CCDC12: variants seen among roughly 807,000 people sequenced by gnomAD.
CCDC12 encodes coiled-coil domain-containing protein 12.
A neutral mutation model predicts 25.7 loss-of-function variants in CCDC12; 28 were observed. The ratio of observed to expected loss-of-function variants is 1.09; its 90% CI spans 0.81 to 1.50. The LOEUF (loss-of-function observed/expected upper bound fraction) is 1.50. Among genes scored for constraint, CCDC12 ranks in the 40% most tolerant of loss-of-function variants. The pLI, the probability that CCDC12 is intolerant of heterozygous loss-of-function variation, is 0.00. For missense variants in CCDC12, 198 were observed against 210.0 expected, an observed-to-expected ratio of 0.94 and a Z score of 0.35; for synonymous variants, 75 against 87.7, an observed-to-expected ratio of 0.86 and a Z score of 0.81.
At chr3:46,946,216 G>A (rs1424409656) in intron 1 of CCDC12, among the ~76,000 whole-genome samples, 2 of 152,216 alleles carry the variant, frequency 1.3e-5, no homozygotes, top group South Asian at 2.1e-4. Flanking sequence ...CTCCTTTGTG[G>A]GCCAGGTCTA....
upstream of CCDC12, chr3:46,976,867 T>A (rs112047215): frequency 3.5e-6 from 5 of 1,431,932 alleles, no homozygotes; most frequent in African/African-American, 4.3e-5. Flanking sequence ...AATGCGGGGT[T>A]ATTATGGGCG....
rs575015112 is a variant in CCDC12 at position 46,922,049 on chromosome 3, G to C, written c.*8C>G. 6.2e-7 allele frequency: 1 copy of C among 1,613,608 alleles called. No individual in the cohort carries two copies. Among genetic ancestry groups the C allele is most frequent in the East Asian group, 2.2e-5 (1 of 44,892 alleles). On this transcript the variant is annotated 3_prime_UTR_variant, in exon 7 of 7. Transcript: ENST00000683445. ...GCCTGATGGGCGAGTGGTGGGGCAG[G>C]GCATGCCTCAGTCGGAGTCACAGGT...
At chr3:46,972,264 T>A (rs2034827309) in intron 1 of CCDC12, among the ~76,000 whole-genome samples, 1 of 152,148 alleles carries the variant, frequency 6.6e-6, no homozygotes, top group African/African-American at 2.4e-5. Context: ...AGGCCAGGTG[T>A]TTGAGATCAG....
At chr3:46,957,668 G>T (rs1208032096) in intron 1 of CCDC12, among the ~76,000 whole-genome samples, 3 of 152,178 alleles carry the variant, frequency 2.0e-5, no homozygotes, top group Non-Finnish European at 4.4e-5. Flanking sequence ...AGCCAGGGCG[G>T]CGGTGGCTCA....
chr3:46,951,798 A>AAAAAAAATAT, intron 1 of CCDC12, among the ~76,000 whole-genome samples: 1 of 8,466 alleles, frequency 1.2e-4, no homozygotes, highest in African/African-American at 2.5e-4. Context: ...AAAAAAAAAA[A>AAAAAAAATAT]ATATATATAT....
At chr3:46,964,262 G>C (rs1435586869) in intron 1 of CCDC12, among the ~76,000 whole-genome samples, 1 of 151,552 alleles carries the variant, frequency 6.6e-6, no homozygotes, top group Non-Finnish European at 1.5e-5. Flanking sequence ...CCGCCCGGCA[G>C]CCACCCCGTC....
At chr3:46,953,331 C>T (rs972436293) in intron 1 of CCDC12, among the ~76,000 whole-genome samples, 19 of 152,040 alleles carry the variant, frequency 1.2e-4, no homozygotes, top group African/African-American at 3.6e-4. Flanking sequence ...AACACACAAA[C>T]GCCAGGGGTA....
At chr3:46,976,194 TC>T (rs2034981934) in intron 1 of CCDC12, 1 of 506,980 alleles carries the variant, frequency 2.0e-6, no homozygotes, top group African/African-American at 2.1e-5. Flanking sequence ...CCCACTGCTG[TC>T]ACTTGCTGCC....
chr3:46,930,687 G>A (rs890903964), intron 2 of CCDC12, among the ~76,000 whole-genome samples: 3 of 152,076 alleles, frequency 2.0e-5, no homozygotes, highest in Non-Finnish European at 2.9e-5. Flanking sequence ...GCTTCTTCAC[G>A]TGGTCCTGGC....
intron 3 of CCDC12, chr3:46,925,126 A>C (rs1457363035): frequency 3.2e-5 from 15 of 464,818 alleles, no homozygotes; most frequent in Non-Finnish European, 5.9e-5. Context: ...CTGCTGCCCA[A>C]GGGCCCCATG....
chr3:46,928,998 A>T (rs1384838740), intron 2 of CCDC12, among the ~76,000 whole-genome samples: 1 of 152,238 alleles, frequency 6.6e-6, no homozygotes, highest in Non-Finnish European at 1.5e-5. Flanking sequence ...TCAAAAAAAA[A>T]GCAGGGGGAA....
chr3:46,925,059 G>T, intron 3 of CCDC12: 1 of 367,928 alleles, frequency 2.7e-6, no homozygotes, highest in South Asian at 2.0e-5. Context: ...GTGTGTGGCT[G>T]AATGACTGGC....
chr3:46,979,860 C>A, upstream of CCDC12: 1 of 467,576 alleles, frequency 2.1e-6, no homozygotes, highest in South Asian at 3.7e-5. Context: ...CCGGGCCGGG[C>A]CATGGCCGCC....
intron 1 of CCDC12, among the ~76,000 whole-genome samples, chr3:46,950,496 T>G (rs35211999): frequency 0.46 from 68,061 of 148,952 alleles, 15,568 homozygotes; most frequent in East Asian, 0.57. Context: ...TTTTTTTTTT[T>G]GGGGTAGAGA....
intron 2 of CCDC12, 128 bp from the exon 3 acceptor site, chr3:46,925,663 A>G: frequency 1.2e-6 from 1 of 801,506 alleles, no homozygotes; most frequent in South Asian, 1.9e-5. Context: ...ATAGCCTGGT[A>G]AGGAGGAGAA....
chr3:46,954,422 C>T (rs1042706172), intron 1 of CCDC12, among the ~76,000 whole-genome samples: 5 of 152,166 alleles, frequency 3.3e-5, no homozygotes, highest in African/African-American at 9.7e-5. Flanking sequence ...GATACCCTTT[C>T]GCCTCCCACA....
chr3:46,964,751 CAGCATGCTCGTTAAG>C (rs1323535486), intron 1 of CCDC12, among the ~76,000 whole-genome samples: 6 of 152,050 alleles, frequency 3.9e-5, no homozygotes, highest in Non-Finnish European at 5.9e-5. Flanking sequence ...TGCTTGAAGG[CAGCATGCTCGTTAAG>C]AGTCATTACC....
At chr3:46,933,976 G>A (rs189331485) in intron 2 of CCDC12, among the ~76,000 whole-genome samples, 175 of 151,410 alleles carry the variant, frequency 1.2e-3, no homozygotes, top group African/African-American at 4.1e-3. Flanking sequence ...CTGGAGTGCA[G>A]TGGAGCAATC....
At chr3:46,940,803 A>C in intron 2 of CCDC12, 195 bp downstream of exon 2, 2 of 607,724 alleles carry the variant, frequency 3.3e-6, no homozygotes. Flanking sequence ...AAAATGAGGG[A>C]AAGGAGGCAG....
Sources: allele counts gnomAD v4.1 joint callset (sites outside exome capture counted in the v4.1 genomes callset), GRCh38; gene constraint gnomAD v4.1.1; transcripts MANE v1.5; gene names NCBI Gene and HGNC (gene_info 2026-07-23, HGNC 2026-07-21).